The following PBXIP1 variants were observed in gnomAD, a reference collection of about 807,000 sequenced individuals.
PBXIP1 encodes PBX homeobox interacting protein 1, also known as pre-B-cell leukemia transcription factor-interacting protein 1.
Under a neutral mutation model 73.7 loss-of-function variants are expected in PBXIP1, and 73 were observed. That is an observed-to-expected ratio of 0.99 (90% CI 0.82 to 1.20). The LOEUF (loss-of-function observed/expected upper bound fraction) is 1.20. PBXIP1 is among the 50% of genes most tolerant of loss of function. PBXIP1 has a pLI of 0.00. For missense variants in PBXIP1, 818 were observed against 911.4 expected, an observed-to-expected ratio of 0.90 and a Z score of 1.32; for synonymous variants, 330 against 366.9, an observed-to-expected ratio of 0.90 and a Z score of 1.15.
Position 154,948,189 on chromosome 1 carries a change from T to C in PBXIP1, c.587A>G (p.Asn196Ser), listed in dbSNP as rs762352663. ...AACCAGGGCCCCAAGGAGGCACATG[T>C]TGAGGGAGATGCCCAGCTCCCCGCC... Reference protein sequence around the residue: ...GAGGELGISLNMCLLGALVLL... With the variant: ...GAGGELGISLSMCLLGALVLL... Residue 196 changes from asparagine (N) to serine (S), a missense_variant, in exon 6 of 11, where the codon AAC (asparagine) becomes AGC (serine). Coordinates refer to ENST00000368463, the MANE Select transcript of PBXIP1 (RefSeq NM_020524.4). 2.5e-6 allele frequency: 4 copies of C among 1,607,830 alleles called. No individual in the cohort carries two copies. Among genetic ancestry groups the C allele is most frequent in the Non-Finnish European group, 2.6e-6 (3 of 1,176,416 alleles).
In PBXIP1 at chr1:154,951,186, T is replaced by C. The variant is rs2101987552; in HGVS notation, c.409+46A>G. ...GTAGTGATGGCTGATCCCTCTCCCATACCTTCTAGAAGGAGAGTGACAGGA... is the reference window on the plus strand; with the variant it reads ...GTAGTGATGGCTGATCCCTCTCCCACACCTTCTAGAAGGAGAGTGACAGGA... On this transcript the variant is annotated intron_variant, in intron 5 of 10. Transcript: ENST00000368463. This position sits in a 1 kb window ranked among gnomAD's most constrained non-coding sequence, Gnocchi z 4.3. The C allele has an allele frequency of 1.9e-6, 3 of 1,570,236 alleles. No individual in the cohort carries two copies. Among genetic ancestry groups the C allele is most frequent in the East Asian group, 4.5e-5 (2 of 44,590 alleles).
rs1282660092 is a variant in PBXIP1, at chr1:154,944,183, C to T, written c.*841G>A. 1 of 152,280 alleles carries T rather than the reference C, an allele frequency of 6.6e-6. No homozygotes were observed. The highest frequency in any genetic ancestry group is 1.5e-5 in the Non-Finnish European group (1 of 68,038). 9.4% of individuals were successfully genotyped at this position (152,280 alleles called of 1,614,324 possible). A position where few individuals can be genotyped will look rare whatever the true frequency, so the allele number is the denominator to read the frequency against. On this transcript the variant is annotated 3_prime_UTR_variant, in exon 11 of 11. Coordinates refer to ENST00000368463, the MANE Select transcript of PBXIP1 (RefSeq NM_020524.4). ...CCAGAGATTAACTTGCCCAAGATCA[C>T]TTGGCCTGGATTTGAGCCTGAGGCT...
intron 2 of PBXIP1, 84 bp from the exon 3 acceptor site, chr1:154,952,005 G>A (rs1050589966): frequency 1.4e-6 from 2 of 1,473,154 alleles, no homozygotes; most frequent in Admixed American, 2.3e-5. Flanking sequence ...ATTCAGTCAT[G>A]AGCTGGCCCA....
Position 154,945,077 on chromosome 1 carries a change from C to A in PBXIP1, c.2143G>T (p.Ala715Ser). The change falls in exon 11 of 11, where the codon GCG becomes TCG. Residue 715 changes from alanine to serine, a missense_variant. By Grantham distance (99) the Ala-to-Ser change is moderately conservative (BLOSUM62 1). Coordinates refer to ENST00000368463, the MANE Select transcript of PBXIP1 (RefSeq NM_020524.4). ...TGGCTGTGCCCCTCCCTGGGCCCCG[C>A]AGCTCTTGGGCTCTGTGAGTGCTTG... ...KDKHSQSPRA[A>S]GPREGHSHSH... The A allele has an allele frequency of 6.2e-7, 1 of 1,614,142 alleles. No individual in the cohort carries two copies. Among genetic ancestry groups the A allele is most frequent in the African/African-American group, 1.3e-5 (1 of 75,066 alleles).
rs1654891178 is a variant in PBXIP1, at chr1:154,948,171, G to C, written c.605C>G (p.Ala202Gly). Reference sequence around the variant, plus strand: ...GACCCCCAGGCCAAGCAGAACCAGGGCCCCAAGGAGGCACATGTTGAGGGA... The same window carrying C: ...GACCCCCAGGCCAAGCAGAACCAGGCCCCCAAGGAGGCACATGTTGAGGGA... The part of the protein sequence containing the change: ...GISLNMCLLG[A>G]LVLLGLGVLL... Residue 202 changes from alanine (A) to glycine (G), a missense_variant, in exon 6 of 11, where the codon GCC becomes GGC. By Grantham distance (60) the Ala-to-Gly change is moderately conservative (BLOSUM62 0). Transcript: ENST00000368463. The C allele has an allele frequency of 6.3e-7, 1 of 1,598,962 alleles. No homozygotes were observed. The highest frequency in any genetic ancestry group is 8.5e-7 in the Non-Finnish European group (1 of 1,171,158).
rs749374424 is a variant in PBXIP1, at chr1:154,945,031, C to CGGTGGT, written c.2183_2188dup (p.His728_His729dup). 9 of 1,612,854 alleles carry CGGTGGT rather than the reference C, an allele frequency of 5.6e-6. No homozygotes were observed. The Admixed American group carries it at 8.3e-5, about 15-fold the overall frequency. On this transcript the variant is annotated inframe_insertion, in exon 11 of 11. Coordinates refer to ENST00000368463, the MANE Select transcript of PBXIP1 (RefSeq NM_020524.4). ...TCCCTGTGGGGCAGGGTGTCAGCCC[C>CGGTGGT]GGTGGTGGTGGTGGTGGCTATGGCT...
rs2101983509 is a variant in PBXIP1 at position 154,946,669 on chromosome 1, C to T, written c.1005G>A (p.Arg335=). 4 of 1,612,936 alleles carry T rather than the reference C, an allele frequency of 2.5e-6. No individual in the cohort carries two copies. Among genetic ancestry groups the T allele is most frequent in the Middle Eastern group, 1.7e-4 (1 of 6,058 alleles). The change falls in exon 10 of 11, where the codon CGG becomes CGA. Residue 335 remains arginine (R), a synonymous_variant. Coordinates refer to ENST00000368463, the MANE Select transcript of PBXIP1 (RefSeq NM_020524.4). ...CGGCCTCCAGCCCCTGGAGCCGGGCCCGCAGCTGCTGCAGCTCTGACTCCA... is the reference window on the plus strand; with the variant it reads ...CGGCCTCCAGCCCCTGGAGCCGGGCTCGCAGCTGCTGCAGCTCTGACTCCA... ...RALESELQQL[R]ARLQGLEADC... is the part of the protein sequence containing the mutation.
At chr1:154,950,001 T>C (rs960117317) in intron 5 of PBXIP1, among the ~76,000 whole-genome samples, 1 of 151,728 alleles carries the variant, frequency 6.6e-6, no homozygotes, top group Non-Finnish European at 1.5e-5. Flanking sequence ...TATTTTATTT[T>C]ATTTTATTTT....
intron 5 of PBXIP1, among the ~76,000 whole-genome samples, chr1:154,950,821 A>C (rs555091576): frequency 3.2e-4 from 48 of 152,286 alleles, no homozygotes; most frequent in African/African-American, 1.2e-3. Flanking sequence ...GGAGTACCTT[A>C]ATTACAGTTC....
At position 154,946,782 on chromosome 1, in the gene PBXIP1, T is replaced by A; in HGVS notation, c.892A>T (p.Ser298Cys). 6.5e-7 allele frequency: 1 copy of A among 1,539,764 alleles called. No individual in the cohort carries two copies. Among genetic ancestry groups the A allele is most frequent in the South Asian group, 1.2e-5 (1 of 80,832 alleles). Reference protein sequence around the residue: ...QLQAQKEELQSLMHQPKGLEE... With the variant: ...QLQAQKEELQCLMHQPKGLEE... ...AGCCCTTTGGGCTGGTGCATCAGGC[T>A]CTGAAGCTCTTCCTTTTGGGCCTAG... The change falls in exon 10 of 11, where the codon AGC (serine) becomes TGC (cysteine). Residue 298 changes from serine (S) to cysteine (C), a missense_variant. By Grantham distance (112) the Ser-to-Cys change is moderately radical (BLOSUM62 -1). Coordinates refer to ENST00000368463, the MANE Select transcript of PBXIP1 (RefSeq NM_020524.4).
In PBXIP1 at chr1:154,944,516, T is replaced by TAA. The variant is rs11429731; in HGVS notation, c.*506_*507dup. ...GGTGAAGCCGTGGGAGAAGCAGGGG[T>TAA]AAAAAAAAAAAGGGGGGGGACTTCA... On this transcript the variant is annotated 3_prime_UTR_variant, in exon 11 of 11. Transcript: ENST00000368463. 189 of 138,060 alleles carry TAA rather than the reference T, an allele frequency of 1.4e-3. 2 individuals are homozygous for TAA. The highest frequency in any genetic ancestry group is 3.3e-3 in the African/African-American group (124 of 37,468). The allele number at this position is 138,060 out of a possible 1,614,324, so 8.6% of individuals were successfully genotyped here. A position where few individuals can be genotyped will look rare whatever the true frequency, so the allele number is the denominator to read the frequency against.
At position 154,947,466 on chromosome 1, in the gene PBXIP1, T is replaced by C. The variant is rs1421059944; in HGVS notation, c.821A>G (p.Lys274Arg). Residue 274 changes from lysine (K) to arginine (R), a missense_variant, in exon 9 of 11, where the codon AAG (lysine) becomes AGG (arginine). Physicochemically the swap from Lys to Arg is conservative, Grantham distance 26 (BLOSUM62 2). Transcript: ENST00000368463. ...SLQNMGLLLD[K>R]LAKENQDIRL... The stretch of plus-strand genomic sequence containing the variant: ...GATGTCCTGGTTCTCCTTGGCCAGC[T>C]TGTCCAGCAGAAGACCCATGTTTTG... 3.1e-6 allele frequency: 5 copies of C among 1,613,992 alleles called. 1 individual carries two copies. In the South Asian group the frequency reaches 4.4e-5, roughly 14 times the overall value.
In PBXIP1 at chr1:154,945,706, G is replaced by C. The variant is rs185906873; in HGVS notation, c.1968C>G (p.Phe656Leu). 51 of 1,614,248 alleles carry C rather than the reference G, an allele frequency of 3.2e-5. No homozygotes were observed. The highest frequency in any genetic ancestry group is 3.3e-4 in the Middle Eastern group (2 of 6,062). Residue 656 changes from phenylalanine to leucine, a missense_variant, in exon 10 of 11, where the codon TTC becomes TTG. Transcript: ENST00000368463. ...DGIFRHDRLR[F>L]RDFVDALEDS... ...CCTCCAGGGCATCCACAAAATCCCGGAAGCGGAGGCGGTCATGACGGAAGA... is the reference window on the plus strand; with the variant it reads ...CCTCCAGGGCATCCACAAAATCCCGCAAGCGGAGGCGGTCATGACGGAAGA...
At chr1:154,947,382 G>A in intron 9 of PBXIP1, 35 bp downstream of exon 9, 1 of 1,612,546 alleles carries the variant, frequency 6.2e-7, no homozygotes, top group South Asian at 1.1e-5. Flanking sequence ...GCCTAGGTGG[G>A]TTACCCTAGC....
At chr1:154,949,390 G>T (rs1654938765) in intron 5 of PBXIP1, among the ~76,000 whole-genome samples, 1 of 151,946 alleles carries the variant, frequency 6.6e-6, no homozygotes, top group Non-Finnish European at 1.5e-5. Flanking sequence ...TGTTTCCCAG[G>T]CTGGTCTCAA....
rs766574634 is a variant in PBXIP1, at chr1:154,945,870, A to G, written c.1804T>C (p.Phe602Leu). Reference sequence around the variant, plus strand: ...ACTGGGGCTAGCTCTGTGCCAAAGAAAGTCAGGCCCTCCTGCCGGGCACAC... The same window carrying G: ...ACTGGGGCTAGCTCTGTGCCAAAGAGAGTCAGGCCCTCCTGCCGGGCACAC... ...DECARQEGLTFFGTELAPVRQ... is the reference protein window; with the variant it reads ...DECARQEGLTLFGTELAPVRQ... Residue 602 changes from phenylalanine to leucine, a missense_variant, in exon 10 of 11, where the codon TTC (phenylalanine) becomes CTC (leucine). Physicochemically the swap from Phe to Leu is conservative, Grantham distance 22. Transcript: ENST00000368463. The G allele has an allele frequency of 1.9e-6, 3 of 1,614,184 alleles. No individual in the cohort carries two copies. The Admixed American group carries it at 5.0e-5, about 27-fold the overall frequency.
rs572867980 is a variant in PBXIP1 at position 154,951,806 on chromosome 1, A to G, written c.167T>C (p.Met56Thr). The change falls in exon 3 of 11, where the codon ATG becomes ACG. Residue 56 changes from methionine to threonine, a missense_variant. Coordinates refer to ENST00000368463, the MANE Select transcript of PBXIP1 (RefSeq NM_020524.4). This position sits in a 1 kb window ranked among gnomAD's most constrained non-coding sequence, Gnocchi z 4.3. ...KTDGKELAGT[M>T]DGEGTLFQTE... The stretch of plus-strand genomic sequence containing the variant: ...GCAGGGCCCAGTACCTTCTCCATCC[A>G]TGGTCCCAGCTAATTCTTTCCCATC... The G allele has an allele frequency of 9.9e-6, 16 of 1,613,886 alleles. No individual in the cohort carries two copies. The highest frequency in any genetic ancestry group is 1.1e-5 in the South Asian group (1 of 91,066).
chr1:154,954,969 A>G, intron 1 of PBXIP1: 1 of 984,738 alleles, frequency 1.0e-6, no homozygotes, highest in East Asian at 1.1e-4. Context: ...GAAACCAACC[A>G]CATTATCCCC....
Position 154,951,539 on chromosome 1 carries a change from C to T in PBXIP1, c.179-4G>A, listed in dbSNP as rs116114495. On this transcript the variant is annotated splice_polypyrimidine_tract_variant and splice_region_variant and intron_variant, in intron 3 of 10. Transcript: ENST00000368463. This position sits in a 1 kb window ranked among gnomAD's most constrained non-coding sequence, Gnocchi z 4.3. ...CTTTCAGTCTGGAAGAGCGTCCCTGCGGTAGGAGAAAAGGCGCAGAAAAAC... is the reference window on the plus strand; with the variant it reads ...CTTTCAGTCTGGAAGAGCGTCCCTGTGGTAGGAGAAAAGGCGCAGAAAAAC... The T allele has an allele frequency of 0.023, 36,696 of 1,612,328 alleles. 551 individuals are homozygous for T. The highest frequency in any genetic ancestry group is 0.064 in the Middle Eastern group (388 of 6,056).
Sources: allele counts gnomAD v4.1 joint callset (sites outside exome capture counted in the v4.1 genomes callset), GRCh38; gene constraint gnomAD v4.1.1; non-coding constraint Gnocchi (gnomAD v3.1); transcripts MANE v1.5; gene names NCBI Gene and HGNC (gene_info 2026-07-23, HGNC 2026-07-21).